The following EPHX2 variants were observed in gnomAD, a reference collection of about 807,000 sequenced individuals.
EPHX2 encodes epoxide hydrolase 2.
EPHX2 carries 74 observed loss-of-function variants against 78.7 expected under a neutral mutation model. The ratio of observed to expected loss-of-function variants is 0.94; its 90% CI spans 0.78 to 1.14. EPHX2 has a LOEUF of 1.14. Among genes scored for constraint, EPHX2 ranks in the 50% most tolerant of loss-of-function variants. The probability of loss-of-function intolerance (pLI) is 0.00; values close to 1 mark genes in which losing one functional copy is unlikely to be tolerated. For missense variants in EPHX2, 715 were observed against 702.5 expected (o/e 1.02, Z -0.20); for synonymous variants, 251 against 255.2 (o/e 0.98, Z 0.16).
At chr8:27,513,896 C>T (rs1238332290) in intron 6 of EPHX2, among the ~76,000 whole-genome samples, 2 of 152,200 alleles carry the variant, frequency 1.3e-5, no homozygotes, top group East Asian at 3.8e-4. Context: ...TTAATGTCAA[C>T]TTTTGCCAAG....
At chr8:27,536,972 A>G (rs1054629690) in intron 13 of EPHX2, 117 bp downstream of exon 13, 38 of 1,086,558 alleles carry the variant, frequency 3.5e-5, no homozygotes, top group Middle Eastern at 6.0e-4. Context: ...TTTCATTTCT[A>G]TAGTCAGGGT....
chr8:27,531,429 C>G (rs1285184955), intron 12 of EPHX2, among the ~76,000 whole-genome samples: 1 of 152,236 alleles, frequency 6.6e-6, no homozygotes, highest in Middle Eastern at 3.2e-3. Context: ...CAACAGTTTG[C>G]TGTCTGCCCA....
At chr8:27,516,464 CCTCGGTG>C (rs1422296487) in intron 8 of EPHX2, 66 bp downstream of exon 8, 8 of 1,443,442 alleles carry the variant, frequency 5.5e-6, no homozygotes, top group Non-Finnish European at 7.8e-6. Flanking sequence ...GCGCTCCACG[CCTCGGTG>C]CTTTCCCTGG....
At chr8:27,506,412 C>T (rs1217501431) in intron 4 of EPHX2, among the ~76,000 whole-genome samples, 2 of 152,220 alleles carry the variant, frequency 1.3e-5, no homozygotes, top group Admixed American at 6.5e-5. Flanking sequence ...AACAATCTTC[C>T]TTACCAATTG....
chr8:27,537,581 A>G (rs35889509), intron 13 of EPHX2, among the ~76,000 whole-genome samples: 8,595 of 152,228 alleles, frequency 0.056, 344 homozygotes, highest in Non-Finnish European at 0.091. Context: ...TCTGATCTGC[A>G]GTTTAACCTG....
intron 16 of EPHX2, among the ~76,000 whole-genome samples, chr8:27,543,292 G>T (rs976835832): frequency 6.6e-6 from 1 of 152,136 alleles, no homozygotes; most frequent in Non-Finnish European, 1.5e-5. Context: ...TGGCCTTCCT[G>T]TGCATGCCTC....
At chr8:27,531,490 C>T (rs915737077) in intron 12 of EPHX2, among the ~76,000 whole-genome samples, 1 of 152,214 alleles carries the variant, frequency 6.6e-6, no homozygotes, top group Non-Finnish European at 1.5e-5. Flanking sequence ...GGACAACCAC[C>T]CCACTGTTTC....
In EPHX2 at chr8:27,527,814, T is replaced by C. The variant is rs1333518080; in HGVS notation, c.1170+2341T>C. ...TCTGTCAATGGGTTACAGCTACAGCTGTTTTTGAGCTCTTATGTGCCACGT... is the reference window on the plus strand; with the variant it reads ...TCTGTCAATGGGTTACAGCTACAGCCGTTTTTGAGCTCTTATGTGCCACGT... On this transcript the variant is annotated intron_variant, in intron 12 of 18. Transcript: ENST00000521400. 1.3e-5 allele frequency among the ~76,000 whole-genome samples: 2 copies of C among 152,202 alleles called. 1 individual carries two copies. Among genetic ancestry groups the C allele is most frequent in the Non-Finnish European group, 2.9e-5 (2 of 68,038 alleles).
At chr8:27,508,819 C>T (rs56236600) in intron 5 of EPHX2, among the ~76,000 whole-genome samples, 26,569 of 152,040 alleles carry the variant, frequency 0.17, 3,464 homozygotes, top group African/African-American at 0.37. Flanking sequence ...AAAATGTACA[C>T]TGTCGTGCAG....
intron 1 of EPHX2, among the ~76,000 whole-genome samples, chr8:27,491,627 G>A (rs1007596698): frequency 2.6e-5 from 4 of 152,154 alleles, no homozygotes; most frequent in Non-Finnish European, 4.4e-5. Context: ...GATGCGAGCC[G>A]AGATTCAGGA....
intron 13 of EPHX2, among the ~76,000 whole-genome samples, chr8:27,538,071 C>A (rs1265752392): frequency 6.6e-6 from 1 of 152,182 alleles, no homozygotes; most frequent in African/African-American, 2.4e-5. Context: ...TTGAGAGTTT[C>A]CAGATCATGC....
At chr8:27,495,231 A>G (rs1381940559) in intron 1 of EPHX2, among the ~76,000 whole-genome samples, 2 of 152,200 alleles carry the variant, frequency 1.3e-5, no homozygotes, top group African/African-American at 2.4e-5. Flanking sequence ...TGTTATCTGT[A>G]TACACATTTA....
rs1425447455 is a variant in EPHX2 at position 27,544,375 on chromosome 8, G to A, written c.1590-69G>A. ...ACTCATGTCACTCACCTCTGCCTTC[G>A]AGTTGGCTGGGTAGGTGCAGACAAG... On this transcript the variant is annotated intron_variant, in intron 18 of 18. Transcript: ENST00000521400. The A allele has an allele frequency of 8.8e-6, 14 of 1,599,798 alleles. No individual in the cohort carries two copies. In the East Asian group the frequency reaches 8.9e-5, roughly 10 times the overall value.
At chr8:27,512,236 C>T (rs1326862163) in intron 6 of EPHX2, 2 of 312,674 alleles carry the variant, frequency 6.4e-6, no homozygotes, top group African/African-American at 4.4e-5. Flanking sequence ...GACCCTGTCT[C>T]GGATTCTATA....
Position 27,506,914 on chromosome 8 carries a change from C to G in EPHX2, c.580C>G (p.Arg194Gly), listed in dbSNP as rs369213590. The part of the protein sequence containing the change: ...DDIGANLKPA[R>G]DLGMVTILVQ... Reference sequence around the variant, plus strand: ...CATCGGGGCTAATCTGAAGCCAGCCCGTGACTTGGGAATGGTCACCATCCT... The same window carrying G: ...CATCGGGGCTAATCTGAAGCCAGCCGGTGACTTGGGAATGGTCACCATCCT... The change falls in exon 5 of 19, where the codon CGT becomes GGT. Residue 194 changes from arginine to glycine, a missense_variant. Physicochemically the swap from Arg to Gly is moderately radical, Grantham distance 125. Transcript: ENST00000521400. 1.2e-6 allele frequency: 2 copies of G among 1,614,066 alleles called. No individual in the cohort carries two copies. The highest frequency in any genetic ancestry group is 1.7e-6 in the Non-Finnish European group (2 of 1,180,018).
intron 10 of EPHX2, 39 bp from the exon 11 acceptor site, chr8:27,522,384 G>C (rs1458662587): frequency 2.5e-6 from 4 of 1,605,834 alleles, no homozygotes; most frequent in Non-Finnish European, 2.6e-6. Context: ...CGTTCCAGAA[G>C]CCTCCCCACA....
chr8:27,509,240 G>A (rs1814142098), intron 5 of EPHX2, among the ~76,000 whole-genome samples: 1 of 152,100 alleles, frequency 6.6e-6, no homozygotes, highest in Non-Finnish European at 1.5e-5. Context: ...CTATTCCACT[G>A]TATGGATAGA....
At chr8:27,521,209 CA>C (rs1814635737) in intron 10 of EPHX2, among the ~76,000 whole-genome samples, 1 of 152,306 alleles carries the variant, frequency 6.6e-6, no homozygotes, top group South Asian at 2.1e-4. Flanking sequence ...GAAAATACCC[CA>C]TAGGCTAATA....
At chr8:27,521,798 G>A (rs1389350288) in intron 10 of EPHX2, among the ~76,000 whole-genome samples, 1 of 152,184 alleles carries the variant, frequency 6.6e-6, no homozygotes, top group Non-Finnish European at 1.5e-5. Flanking sequence ...GCTGCCAGTG[G>A]GGTCAGTGTG....
Sources: gnomAD v4.1 joint callset for allele counts (sites outside exome capture counted in the v4.1 genomes callset) on GRCh38, gnomAD v4.1.1 for gene constraint, MANE v1.5 for transcripts, NCBI Gene and HGNC (gene_info 2026-07-23, HGNC 2026-07-21) for gene names.